Variants in RPS6KC1 observed in about 807,000 individuals in gnomAD.
The protein encoded by RPS6KC1 is inactive ribosomal protein S6 kinase delta-1.
In RPS6KC1, 54 loss-of-function variants were observed where a neutral mutation model predicts 103.8. The ratio of observed to expected loss-of-function variants is 0.52; its 90% confidence interval spans 0.42 to 0.65. The LOEUF (loss-of-function observed/expected upper bound fraction) is 0.65, where lower values mean the gene tolerates loss of function less well. Ranked by LOEUF, RPS6KC1 falls within the 30% of genes least tolerant of loss-of-function variation. RPS6KC1 has a pLI of 0.00. For synonymous variants in RPS6KC1, 439 were observed against 438.7 expected (o/e 1.00, Z -0.01); for missense variants, 1,151 against 1,253.8 (o/e 0.92, Z 1.24).
chr1:213,831,400 G>T, the RPS6KC1 span, among the ~76,000 whole-genome samples: 1 of 152,144 alleles, frequency 6.6e-6, no homozygotes, highest in Admixed American at 6.5e-5. Flanking sequence ...TAAGGAAGGG[G>T]CCACAAGCCA....
At chr1:213,420,367 G>A in the RPS6KC1 span, among the ~76,000 whole-genome samples, 1 of 152,140 alleles carries the variant, frequency 6.6e-6, no homozygotes, top group Non-Finnish European at 1.5e-5. Context: ...GTGGGGTATG[G>A]GATATGATGT....
the RPS6KC1 span, among the ~76,000 whole-genome samples, chr1:213,566,790 T>C: frequency 6.6e-6 from 1 of 152,084 alleles, no homozygotes; most frequent in Non-Finnish European, 1.5e-5. Context: ...ATAATTGTCA[T>C]TTTGTTGTAT....
intron 5 of RPS6KC1, among the ~76,000 whole-genome samples, chr1:213,122,619 C>CA (rs2084523294): frequency 6.6e-6 from 1 of 151,958 alleles, no homozygotes; most frequent in Non-Finnish European, 1.5e-5. Context: ...ATAGAAAGTG[C>CA]AAGTAATTTA....
chr1:213,595,010 A>G, the RPS6KC1 span, among the ~76,000 whole-genome samples: 820 of 152,250 alleles, frequency 5.4e-3, 9 homozygotes, highest in Middle Eastern at 0.01. Context: ...ATCAAATAGG[A>G]GGAGGAAGAG....
intron 8 of RPS6KC1, among the ~76,000 whole-genome samples, chr1:213,210,492 C>T (rs991927605): frequency 5.9e-5 from 9 of 152,178 alleles, no homozygotes; most frequent in East Asian, 1.9e-4. Context: ...CTCCTGTTTC[C>T]ACCTTTTCTC....
chr1:213,607,023 G>A, the RPS6KC1 span, among the ~76,000 whole-genome samples: 6 of 152,216 alleles, frequency 3.9e-5, no homozygotes, highest in Non-Finnish European at 5.9e-5. Context: ...CTTAGTTTTC[G>A]CCCATGCTGT....
At chr1:213,857,512 C>G in the RPS6KC1 span, among the ~76,000 whole-genome samples, 2 of 152,152 alleles carry the variant, frequency 1.3e-5, no homozygotes, top group Non-Finnish European at 2.9e-5. Flanking sequence ...CAGGACTCCT[C>G]AAGGCATAGC....
the RPS6KC1 span, among the ~76,000 whole-genome samples, chr1:213,599,954 C>A: frequency 5.3e-5 from 8 of 152,190 alleles, no homozygotes; most frequent in African/African-American, 1.9e-4. Context: ...CCCACATGTC[C>A]AGGGAGGGAC....
At position 213,096,314 on chromosome 1, in the gene RPS6KC1, A is replaced by G. The variant is rs768785899; in HGVS notation, c.263-8140A>G. On this transcript the variant is annotated intron_variant, in intron 3 of 14. Transcript: ENST00000366960. ...CAGTTTTCATTCTCTTGCTATTTCTACCACATCTGCAGTTACTTCCTCCAC... is the reference window on the plus strand; with the variant it reads ...CAGTTTTCATTCTCTTGCTATTTCTGCCACATCTGCAGTTACTTCCTCCAC... Among the ~76,000 whole-genome samples, 9 of 152,106 alleles carry G rather than the reference A, an allele frequency of 5.9e-5. No individual in the cohort carries two copies. The East Asian group carries it at 9.6e-4, about 16-fold the overall frequency.
At chr1:213,647,289 T>A in the RPS6KC1 span, among the ~76,000 whole-genome samples, 3 of 152,098 alleles carry the variant, frequency 2.0e-5, no homozygotes, top group African/African-American at 7.2e-5. Flanking sequence ...GTGTGACAAG[T>A]GAAGATGTAT....
the RPS6KC1 span, among the ~76,000 whole-genome samples, chr1:213,789,095 A>G: frequency 6.1e-4 from 93 of 152,332 alleles, no homozygotes; most frequent in Non-Finnish European, 1.1e-3. Flanking sequence ...ATGAGAAGTC[A>G]GTTAAAATGA....
At chr1:213,646,773 T>C in the RPS6KC1 span, among the ~76,000 whole-genome samples, 4 of 152,022 alleles carry the variant, frequency 2.6e-5, no homozygotes, top group African/African-American at 9.7e-5. Flanking sequence ...GGGGAAGGCA[T>C]TGAATCCCCC....
chr1:213,741,523 C>T, the RPS6KC1 span, among the ~76,000 whole-genome samples: 1 of 120,112 alleles, frequency 8.3e-6, no homozygotes, highest in African/African-American at 2.8e-5. Flanking sequence ...CTTCAAACAT[C>T]AACGTGCTGG....
At chr1:213,307,494 CT>C in the RPS6KC1 span, among the ~76,000 whole-genome samples, 1 of 152,204 alleles carries the variant, frequency 6.6e-6, no homozygotes, top group African/African-American at 2.4e-5. Context: ...CCTCATTCCT[CT>C]GGCTTCTAGG....
intron 8 of RPS6KC1, among the ~76,000 whole-genome samples, chr1:213,178,431 C>G (rs2092035719): frequency 6.6e-6 from 1 of 151,616 alleles, no homozygotes. Context: ...ATCTCAGCTC[C>G]TCTGGAGGCT....
In RPS6KC1 at chr1:213,065,870, T is replaced by TA. The variant is rs148852975; in HGVS notation, c.106-5135dup. Among the ~76,000 whole-genome samples the TA allele has an allele frequency of 4.6e-3, 705 of 152,172 alleles. 3 individuals carry two copies. Among genetic ancestry groups the TA allele is most frequent in the Non-Finnish European group, 8.4e-3 (573 of 68,000 alleles). ...TATTGCTGAAAATACCGCAGATAAA[T>TA]AGAGGGAGGCAGTGTAATAGAGTGG... On this transcript the variant is annotated intron_variant, in intron 1 of 14. Coordinates refer to ENST00000366960, the MANE Select transcript of RPS6KC1 (RefSeq NM_012424.6).
At chr1:213,287,928 G>A in the RPS6KC1 span, among the ~76,000 whole-genome samples, 3 of 151,562 alleles carry the variant, frequency 2.0e-5, no homozygotes, top group Admixed American at 6.6e-5. Context: ...AAGTTCAAAA[G>A]GTGTGATATA....
chr1:213,353,840 A>G, the RPS6KC1 span, among the ~76,000 whole-genome samples: 1 of 152,188 alleles, frequency 6.6e-6, no homozygotes, highest in South Asian at 2.1e-4. Flanking sequence ...ATGTTATGGA[A>G]ATTCAGAGGA....
chr1:213,572,165 C>A, the RPS6KC1 span, among the ~76,000 whole-genome samples: 1 of 152,170 alleles, frequency 6.6e-6, no homozygotes, highest in Non-Finnish European at 1.5e-5. Context: ...GATGGGCAGA[C>A]ATAGCTGCCT....
Sources: gnomAD v4.1 joint callset for allele counts (sites outside exome capture counted in the v4.1 genomes callset) on GRCh38, gnomAD v4.1.1 for gene constraint, MANE v1.5 for transcripts, NCBI Gene and HGNC (gene_info 2026-07-23, HGNC 2026-07-21) for gene names.